The following MARCHF6 variants were observed in gnomAD, a reference collection of about 807,000 sequenced individuals.
The protein encoded by MARCHF6 is membrane associated ring-CH-type finger 6, also known as E3 ubiquitin-protein ligase MARCHF6.
MARCHF6 carries 31 observed loss-of-function variants against 133.7 expected under a neutral mutation model. That is an observed-to-expected ratio of 0.23 (90% CI 0.17 to 0.31). MARCHF6 has a LOEUF of 0.31. Among genes scored for constraint, MARCHF6 ranks in the 10% least tolerant of loss-of-function variants. MARCHF6 has a pLI of 1.00. For synonymous variants in MARCHF6, 395 were observed against 402.5 expected (o/e 0.98, Z 0.22); for missense variants, 723 against 1,121.6 (o/e 0.64, Z 5.08).
chr5:10,415,345 T>C, intron 20 of MARCHF6, 143 bp from the exon 21 acceptor site: 1 of 747,376 alleles, frequency 1.3e-6, no homozygotes, highest in Non-Finnish European at 2.2e-6. Flanking sequence ...TTGTGATTTT[T>C]GTCTTTTGTT....
At chr5:10,357,484 G>A (rs116488225) in intron 1 of MARCHF6, among the ~76,000 whole-genome samples, 2 of 151,856 alleles carry the variant, frequency 1.3e-5, no homozygotes, top group Non-Finnish European at 2.9e-5. Context: ...ATATTCATTC[G>A]AAAAGTGTGA....
chr5:10,403,250 A>G (rs1346207984), intron 14 of MARCHF6, among the ~76,000 whole-genome samples, 157 bp from the exon 15 acceptor site: 2 of 152,222 alleles, frequency 1.3e-5, no homozygotes, highest in African/African-American at 4.8e-5. Context: ...AATCTTGTAT[A>G]TAGTTCTGTG....
chr5:10,435,036 G>A lies in MARCHF6; in HGVS notation c.*1352G>A, dbSNP rs9544. 1 of 152,744 alleles carries A rather than the reference G, an allele frequency of 6.5e-6. No homozygotes were observed. The highest frequency in any genetic ancestry group is 2.4e-5 in the African/African-American group (1 of 41,576). The allele number at this position is 152,744 out of a possible 1,614,324, so 9.5% of individuals were successfully genotyped here. A position where few individuals can be genotyped will look rare whatever the true frequency, so the allele number is the denominator to read the frequency against. On this transcript the variant is annotated 3_prime_UTR_variant, in exon 26 of 26. Coordinates refer to ENST00000274140, the MANE Select transcript of MARCHF6 (RefSeq NM_005885.4). ...GTTTAATGCTAAAGGTATATCGTAAGGGTAGTGTTTGTTTTTGAACGATAA... is the reference window on the plus strand; with the variant it reads ...GTTTAATGCTAAAGGTATATCGTAAAGGTAGTGTTTGTTTTTGAACGATAA...
At chr5:10,355,250 GA>G (rs1735380373) in intron 1 of MARCHF6, among the ~76,000 whole-genome samples, 1 of 152,194 alleles carries the variant, frequency 6.6e-6, no homozygotes, top group African/African-American at 2.4e-5. Context: ...ATAGTAAAGC[GA>G]AACTGCTGAA....
chr5:10,380,154 G>GTT (rs1400297300), intron 3 of MARCHF6, among the ~76,000 whole-genome samples: 1 of 123,014 alleles, frequency 8.1e-6, no homozygotes, highest in Non-Finnish European at 1.6e-5. Flanking sequence ...TTGTGTTTTA[G>GTT]TTGTGTGTGT....
chr5:10,354,082 T>A, intron 1 of MARCHF6, 165 bp downstream of exon 1: 2 of 549,042 alleles, frequency 3.6e-6, no homozygotes, highest in Non-Finnish European at 2.8e-6. Context: ...AAGGTGACCC[T>A]CTGCGCGCCC....
chr5:10,386,844 A>G, intron 4 of MARCHF6, 150 bp from the exon 5 acceptor site: 1 of 572,298 alleles, frequency 1.7e-6, no homozygotes, highest in Non-Finnish European at 3.2e-6. Context: ...TGTTTTTAAA[A>G]ATTTAATATT....
intron 1 of MARCHF6, among the ~76,000 whole-genome samples, chr5:10,371,469 G>A (rs1389777117): frequency 6.6e-6 from 1 of 152,228 alleles, no homozygotes; most frequent in Non-Finnish European, 1.5e-5. Flanking sequence ...TGGAGGGCAA[G>A]GAGGAGCAAG....
intron 19 of MARCHF6, among the ~76,000 whole-genome samples, chr5:10,412,382 C>G (rs987199555): frequency 6.6e-6 from 1 of 152,112 alleles, no homozygotes; most frequent in Non-Finnish European, 1.5e-5. Flanking sequence ...TGCTGTGACT[C>G]CTTCAATCAA....
intron 1 of MARCHF6, among the ~76,000 whole-genome samples, chr5:10,373,500 A>G (rs968470370): frequency 6.6e-6 from 1 of 152,040 alleles, no homozygotes; most frequent in Non-Finnish European, 1.5e-5. Flanking sequence ...AGTGTTTTGT[A>G]TCATGGAATG....
intron 10 of MARCHF6, among the ~76,000 whole-genome samples, chr5:10,400,454 T>C (rs1436704576): frequency 6.6e-6 from 1 of 152,192 alleles, no homozygotes; most frequent in Non-Finnish European, 1.5e-5. Context: ...TTTTGGACTT[T>C]TCCTTTTTTG....
At chr5:10,388,584 C>T (rs1002259832) in intron 5 of MARCHF6, among the ~76,000 whole-genome samples, 2 of 152,192 alleles carry the variant, frequency 1.3e-5, no homozygotes, top group African/African-American at 4.8e-5. Flanking sequence ...ATCTATTGGG[C>T]TTGCCTAGGT....
rs560037474 is a variant in MARCHF6, at chr5:10,361,643, A to C, written c.19+7726A>C. 2.6e-5 allele frequency among the ~76,000 whole-genome samples: 4 copies of C among 152,362 alleles called. No individual in the cohort carries two copies. The East Asian group carries it at 7.7e-4, about 29-fold the overall frequency. On this transcript the variant is annotated intron_variant, in intron 1 of 25. Coordinates refer to ENST00000274140, the MANE Select transcript of MARCHF6 (RefSeq NM_005885.4). ...GTGTATACATGCAGGTTAGGGCTTC[A>C]ACACGTGAATTACGGGGGGAGGGGC...
chr5:10,430,268 CTG>C (rs1216879772), intron 25 of MARCHF6, among the ~76,000 whole-genome samples: 1 of 143,732 alleles, frequency 7.0e-6, no homozygotes, highest in African/African-American at 2.6e-5. Context: ...CTGGGTGAAA[CTG>C]TTTTGGAGAG....
At position 10,353,907 on chromosome 5, in the gene MARCHF6, C is replaced by CGCG. The variant is rs1465699424; in HGVS notation, c.11_13dup (p.Ala4dup). 4.5e-6 allele frequency: 7 copies of CGCG among 1,564,060 alleles called. No individual in the cohort carries two copies. Among genetic ancestry groups the CGCG allele is most frequent in the Non-Finnish European group, 6.0e-6 (7 of 1,159,652 alleles). On this transcript the variant is annotated inframe_insertion, in exon 1 of 26. Transcript: ENST00000274140. ...CCGCCCCCCCAGACAAGATGGACAC[C>CGCG]GCGGAGGAAGGTAAGTCGGCGACGC...
chr5:10,407,044 G>A lies in MARCHF6; in HGVS notation c.1453-58G>A, dbSNP rs576044247. ...CTTGAGTGTGCTCAGAAGTCTGCCT[G>A]TCTTGCACAGGAGTGATTGACTCTT... On this transcript the variant is annotated intron_variant, in intron 16 of 25. Transcript: ENST00000274140. The A allele has an allele frequency of 7.4e-6, 7 of 949,088 alleles. No individual in the cohort carries two copies. The African/African-American group carries it at 9.8e-5, about 13-fold the overall frequency. The allele number at this position is 949,088 out of a possible 1,614,324, so 58.8% of individuals were successfully genotyped here. A position where few individuals can be genotyped will look rare whatever the true frequency, so the allele number is the denominator to read the frequency against.
At chr5:10,403,674 A>G in intron 15 of MARCHF6, 133 bp downstream of exon 15, 1 of 788,256 alleles carries the variant, frequency 1.3e-6, no homozygotes, top group Non-Finnish European at 1.9e-6. Context: ...CTAAGAGGGA[A>G]TAACTTATAG....
At chr5:10,391,819 T>G in intron 7 of MARCHF6, 88 bp downstream of exon 7, 1 of 1,294,898 alleles carries the variant, frequency 7.7e-7, no homozygotes, top group Non-Finnish European at 1.0e-6. Flanking sequence ...TTTTCAAATT[T>G]TTAATGTTGT....
chr5:10,421,003 C>A (rs1739795596), intron 22 of MARCHF6, among the ~76,000 whole-genome samples: 1 of 152,124 alleles, frequency 6.6e-6, no homozygotes, highest in Admixed American at 6.6e-5. Flanking sequence ...CTGAGGGGCC[C>A]CAAGTTCTCC....
Sources: gnomAD v4.1 joint callset for allele counts (sites outside exome capture counted in the v4.1 genomes callset) on GRCh38, gnomAD v4.1.1 for gene constraint, MANE v1.5 for transcripts, NCBI Gene and HGNC (gene_info 2026-07-23, HGNC 2026-07-21) for gene names.